The following SRD5A3 variants were observed in gnomAD, a reference collection of about 807,000 sequenced individuals.
SRD5A3 encodes the protein steroid 5 alpha-reductase 3, also known as polyprenal reductase.
A neutral mutation model predicts 34.3 loss-of-function variants in SRD5A3; 24 were observed. The ratio of observed to expected loss-of-function variants is 0.70; its 90% CI spans 0.51 to 0.99. SRD5A3 has a LOEUF of 0.99. SRD5A3 is among the 50% of genes least tolerant of loss of function. SRD5A3 has a pLI of 0.00. For synonymous variants in SRD5A3, 161 were observed against 167.3 expected (o/e 0.96, Z 0.29); for missense variants, 350 against 388.2 (o/e 0.90, Z 0.83).
At chr4:55,359,286 C>T (rs959409699) in intron 1 of SRD5A3, 60 bp from the exon 2 acceptor site, 3 of 1,604,482 alleles carry the variant, frequency 1.9e-6, no homozygotes, top group Non-Finnish European at 2.6e-6. Flanking sequence ...ATAATCTTCC[C>T]GTATAAGAGC....
intron 2 of SRD5A3, 173 bp from the exon 3 acceptor site, chr4:55,363,901 T>C (rs958643098): frequency 1.4e-6 from 1 of 706,640 alleles, no homozygotes; most frequent in African/African-American, 1.8e-5. Flanking sequence ...CACAGTGAAC[T>C]GTGTAATTTG....
intron 4 of SRD5A3, among the ~76,000 whole-genome samples, chr4:55,368,129 CA>C (rs1314983408): frequency 6.6e-6 from 1 of 152,076 alleles, no homozygotes; most frequent in Non-Finnish European, 1.5e-5. Flanking sequence ...GTAATTCCAG[CA>C]CTTTGGGAAG....
At chr4:55,367,868 C>A in intron 4 of SRD5A3, 146 bp downstream of exon 4, 2 of 1,061,538 alleles carry the variant, frequency 1.9e-6, no homozygotes, top group South Asian at 1.4e-5. Flanking sequence ...GGGCCTTGAT[C>A]TTCCCATCTG....
At position 55,351,036 on chromosome 4, in the gene SRD5A3, G is replaced by T. The variant is rs1048828228; in HGVS notation, c.221+4479G>T. Reference sequence around the variant, plus strand: ...CCACCTTGGCTTCCCAAAGTGTTGGGATTATAGGCGTGAGTCACCATGTGC... The same window carrying T: ...CCACCTTGGCTTCCCAAAGTGTTGGTATTATAGGCGTGAGTCACCATGTGC... On this transcript the variant is annotated intron_variant, in intron 1 of 4. Transcript: ENST00000264228. 3.3e-5 allele frequency among the ~76,000 whole-genome samples: 5 copies of T among 151,912 alleles called. No homozygotes were observed. The East Asian group carries it at 9.7e-4, about 29-fold the overall frequency.
intron 1 of SRD5A3, among the ~76,000 whole-genome samples, chr4:55,350,157 G>A (rs2109460734): frequency 6.6e-6 from 1 of 152,186 alleles, no homozygotes; most frequent in South Asian, 2.1e-4. Context: ...ATCACCTGAG[G>A]TCCGGAGTTG....
Position 55,371,044 on chromosome 4 carries a change from A to G in SRD5A3, c.*953A>G, listed in dbSNP as rs1388715955. The G allele has an allele frequency of 6.6e-6, 1 of 152,236 alleles. No homozygotes were observed. Among genetic ancestry groups the G allele is most frequent in the Non-Finnish European group, 1.5e-5 (1 of 68,044 alleles). 9.4% of individuals were successfully genotyped at this position (152,236 alleles called of 1,614,324 possible). A position where few individuals can be genotyped will look rare whatever the true frequency, so the allele number is the denominator to read the frequency against. On this transcript the variant is annotated 3_prime_UTR_variant, in exon 5 of 5. Coordinates refer to ENST00000264228, the MANE Select transcript of SRD5A3 (RefSeq NM_024592.5). ...TCTCCCCCTCAAATCATAGCCTAAC[A>G]GAACACTTTGAAAGCTCTTTTATTT...
chr4:55,367,257 T>C lies in SRD5A3; in HGVS notation c.563-331T>C, dbSNP rs80055415. 967 of 395,140 alleles carry C rather than the reference T, an allele frequency of 2.4e-3. 17 individuals carry two copies. The highest frequency in any genetic ancestry group is 0.018 in the African/African-American group (904 of 49,232). 24.5% of individuals were successfully genotyped at this position (395,140 alleles called of 1,614,324 possible). On this transcript the variant is annotated intron_variant, in intron 3 of 4. Transcript: ENST00000264228. ...CGAAAGTAGATCACAGTAGGGGAGC[T>C]GAACTTTGTGCTTGAACTGTTTAGA...
chr4:55,359,518 T>C (rs912569978), intron 2 of SRD5A3, 30 bp downstream of exon 2: 4 of 1,613,508 alleles, frequency 2.5e-6, no homozygotes, highest in African/African-American at 1.3e-5. Context: ...ATGACAACGC[T>C]GCATCCCGTT....
chr4:55,367,122 G>A, intron 3 of SRD5A3: 1 of 210,914 alleles, frequency 4.7e-6, no homozygotes, highest in Non-Finnish European at 9.6e-6. Flanking sequence ...CTAGCAGGAT[G>A]GTAGCTCAGA....
At chr4:55,356,784 A>C (rs1029460417) in intron 1 of SRD5A3, among the ~76,000 whole-genome samples, 1 of 151,968 alleles carries the variant, frequency 6.6e-6, no homozygotes, top group Non-Finnish European at 1.5e-5. Flanking sequence ...ATCTTGGCTC[A>C]CTGCAACCTC....
chr4:55,352,333 C>A, intron 1 of SRD5A3: 1 of 790,016 alleles, frequency 1.3e-6, no homozygotes, highest in Non-Finnish European at 2.3e-6. Context: ...TTATCCTTTT[C>A]TGTAAGCCTC....
intron 1 of SRD5A3, among the ~76,000 whole-genome samples, chr4:55,348,986 C>A (rs987205382): frequency 2.0e-5 from 3 of 152,090 alleles, no homozygotes; most frequent in Admixed American, 1.3e-4. Context: ...TAACGTTAAC[C>A]TTGATACTTA....
chr4:55,372,651 A>G lies in SRD5A3; in HGVS notation c.*2560A>G, dbSNP rs886059483. 3 of 152,220 alleles carry G rather than the reference A, an allele frequency of 2.0e-5. No homozygotes were observed. The highest frequency in any genetic ancestry group is 4.4e-5 in the Non-Finnish European group (3 of 68,046). The allele number at this position is 152,220 out of a possible 1,614,324, so 9.4% of individuals were successfully genotyped here. ...TCAGGGACTTTGCAAATTCTTCACA[A>G]GGACCCAGAAATAGCTTAAAGATTC... On this transcript the variant is annotated 3_prime_UTR_variant, in exon 5 of 5. Coordinates refer to ENST00000264228, the MANE Select transcript of SRD5A3 (RefSeq NM_024592.5).
chr4:55,353,521 C>G (rs533732545), intron 1 of SRD5A3, among the ~76,000 whole-genome samples: 2 of 152,194 alleles, frequency 1.3e-5, no homozygotes, highest in Non-Finnish European at 2.9e-5. Context: ...GAGCCAGCAG[C>G]GCCAAGTCAC....
chr4:55,349,066 G>A (rs536181831), intron 1 of SRD5A3, among the ~76,000 whole-genome samples: 43 of 152,082 alleles, frequency 2.8e-4, no homozygotes, highest in African/African-American at 9.9e-4. Flanking sequence ...ATGGAGTCTC[G>A]CTCTGTCGCC....
intron 1 of SRD5A3, 110 bp from the exon 2 acceptor site, chr4:55,359,236 T>C (rs928136646): frequency 4.9e-6 from 7 of 1,436,810 alleles, no homozygotes; most frequent in Admixed American, 1.7e-5. Context: ...AAAGGTATAC[T>C]TTGGGAATGG....
intron 1 of SRD5A3, among the ~76,000 whole-genome samples, chr4:55,347,317 A>C (rs943894714): frequency 2.6e-5 from 4 of 152,232 alleles, no homozygotes; most frequent in Non-Finnish European, 4.4e-5. Flanking sequence ...GATGGTAGAA[A>C]TAGAACAGTG....
rs748408459 is a variant in SRD5A3, at chr4:55,367,698, G to C, written c.673G>C (p.Gly225Arg). The change falls in exon 4 of 5, where the codon GGC (glycine) becomes CGC (arginine). Residue 225 changes from glycine (G) to arginine (R), a missense_variant. Physicochemically the swap from Gly to Arg is moderately radical, Grantham distance 125. This residue lies in a region of SRD5A3 where 186 missense variants were observed against 221.4 expected (regional missense o/e 0.84). Transcript: ENST00000264228. Reference protein sequence around the residue: ...AHQYKCHVILGNLRKNKAGVV... With the variant: ...AHQYKCHVILRNLRKNKAGVV... Reference sequence around the variant, plus strand: ...TCAGTATAAGTGCCATGTTATTCTCGGCAATCTCAGGAAAAATAAAGCAGG... The same window carrying C: ...TCAGTATAAGTGCCATGTTATTCTCCGCAATCTCAGGAAAAATAAAGCAGG... 3 of 1,613,926 alleles carry C rather than the reference G, an allele frequency of 1.9e-6. No individual in the cohort carries two copies. Among genetic ancestry groups the C allele is most frequent in the Non-Finnish European group, 8.5e-7 (1 of 1,179,984 alleles).
chr4:55,367,833 T>C (rs1578212419), intron 4 of SRD5A3, 111 bp downstream of exon 4: 15 of 1,435,842 alleles, frequency 1.0e-5, no homozygotes, highest in South Asian at 4.7e-5. Context: ...GTATCAAATA[T>C]TGATTTTTGG....
Sources: gnomAD v4.1 joint callset for allele counts (sites outside exome capture counted in the v4.1 genomes callset) on GRCh38, gnomAD v4.1.1 for gene constraint, gnomAD v4.1.1 regional missense constraint, MANE v1.5 for transcripts, NCBI Gene and HGNC (gene_info 2026-07-23, HGNC 2026-07-21) for gene names.